Variants in LCLAT1 observed in about 807,000 individuals in gnomAD.
LCLAT1 encodes the protein lysocardiolipin acyltransferase 1.
A neutral mutation model predicts 30.7 loss-of-function variants in LCLAT1; 11 were observed. The observed-to-expected ratio is 0.36, with a 90% CI of 0.23 to 0.59. The LOEUF is 0.59. LCLAT1 is among the 20% of genes least tolerant of loss of function. The pLI, the probability that LCLAT1 is intolerant of heterozygous loss-of-function variation, is 0.77. For synonymous variants in LCLAT1, 155 were observed against 151.3 expected, an observed-to-expected ratio of 1.02 and a Z score of -0.18; for missense variants, 402 against 458.6, an observed-to-expected ratio of 0.88 and a Z score of 1.13.
Position 30,640,646 on chromosome 2 carries a change from C to G in LCLAT1, c.*27C>G, listed in dbSNP as rs754956150. The G allele has an allele frequency of 7.1e-6, 11 of 1,545,616 alleles. No individual in the cohort carries two copies. The highest frequency in any genetic ancestry group is 2.1e-5 in the Admixed American group (1 of 48,132). On this transcript the variant is annotated 3_prime_UTR_variant, in exon 6 of 6. Coordinates refer to ENST00000379509, the MANE Select transcript of LCLAT1 (RefSeq NM_001002257.3). The stretch of plus-strand genomic sequence containing the variant: ...ATTATAAGGTTTGCCATGTGAAAAC[C>G]TAGAGCATATTTTGGAAATGTTCTA...
intron 5 of LCLAT1, among the ~76,000 whole-genome samples, chr2:30,569,588 C>T (rs1044238973): frequency 8.1e-6 from 1 of 123,542 alleles, no homozygotes; most frequent in Non-Finnish European, 1.7e-5. Context: ...AAGTCTTGAA[C>T]CATTATGTAA....
chr2:30,496,687 TC>T (rs1187406981), intron 1 of LCLAT1, among the ~76,000 whole-genome samples: 6 of 152,022 alleles, frequency 3.9e-5, no homozygotes, highest in East Asian at 1.9e-4. Flanking sequence ...AAGCCTAGCA[TC>T]CTCCCTCTCT....
intron 1 of LCLAT1, among the ~76,000 whole-genome samples, chr2:30,473,003 A>G (rs1216338765): frequency 6.6e-6 from 1 of 151,940 alleles, no homozygotes; most frequent in Non-Finnish European, 1.5e-5. Flanking sequence ...CTGGAGTTGA[A>G]AAAAAAATGA....
chr2:30,614,801 G>A (rs1229248379), intron 5 of LCLAT1, among the ~76,000 whole-genome samples: 1 of 152,180 alleles, frequency 6.6e-6, no homozygotes, highest in African/African-American at 2.4e-5. Context: ...AGAAGAGTAA[G>A]ATCCCAGCCT....
chr2:30,456,511 T>G (rs1221240831), intron 1 of LCLAT1, among the ~76,000 whole-genome samples: 1 of 151,996 alleles, frequency 6.6e-6, no homozygotes, highest in Non-Finnish European at 1.5e-5. Flanking sequence ...CATTGCAGCC[T>G]TGTAAGGGTG....
rs1665590124 is a variant in LCLAT1 at position 30,568,184 on chromosome 2, C to A, written c.628+8C>A. On this transcript the variant is annotated splice_region_variant and intron_variant, in intron 5 of 5. Transcript: ENST00000379509. ...TAGACCGTCTAAGAGAAGGTAAGCACCCATTTCAAAATGTACTTTTTAATA... is the reference window on the plus strand; with the variant it reads ...TAGACCGTCTAAGAGAAGGTAAGCAACCATTTCAAAATGTACTTTTTAATA... The A allele has an allele frequency of 1.4e-6, 2 of 1,467,988 alleles. No individual in the cohort carries two copies. Among genetic ancestry groups the A allele is most frequent in the Non-Finnish European group, 1.9e-6 (2 of 1,069,080 alleles). The allele number at this position is 1,467,988 out of a possible 1,614,324, so 90.9% of individuals were successfully genotyped here.
chr2:30,450,471 G>A (rs1480067683), intron 1 of LCLAT1, among the ~76,000 whole-genome samples: 4 of 152,164 alleles, frequency 2.6e-5, no homozygotes, highest in African/African-American at 9.7e-5. Flanking sequence ...TAGATGCATA[G>A]CTTCCACTTT....
At chr2:30,573,396 A>G (rs1665866828) in intron 5 of LCLAT1, among the ~76,000 whole-genome samples, 1 of 152,262 alleles carries the variant, frequency 6.6e-6, no homozygotes, top group Non-Finnish European at 1.5e-5. Flanking sequence ...CTTTTTCTAA[A>G]TGAGGGTGGC....
At chr2:30,459,743 A>T in intron 1 of LCLAT1, 1 of 1,532,944 alleles carries the variant, frequency 6.5e-7, no homozygotes, top group African/African-American at 1.4e-5. Flanking sequence ...GTAATGATTT[A>T]GATGCTTGAG....
At chr2:30,463,886 C>G (rs566656742) in intron 1 of LCLAT1, among the ~76,000 whole-genome samples, 1 of 152,318 alleles carries the variant, frequency 6.6e-6, no homozygotes, top group Non-Finnish European at 1.5e-5. Context: ...TGTTGATGGA[C>G]GTTTATACTA....
At chr2:30,501,532 G>A (rs368338089) in intron 1 of LCLAT1, among the ~76,000 whole-genome samples, 1 of 152,042 alleles carries the variant, frequency 6.6e-6, no homozygotes, top group South Asian at 2.1e-4. Flanking sequence ...AAAATTAGTT[G>A]GGCATGGTGC....
intron 1 of LCLAT1, among the ~76,000 whole-genome samples, chr2:30,484,222 A>G (rs1297098058): frequency 6.6e-6 from 1 of 152,114 alleles, no homozygotes; most frequent in Non-Finnish European, 1.5e-5. Flanking sequence ...TCGCTTTCAA[A>G]GTTTGGAGAT....
At chr2:30,564,902 G>C (rs1210008761) in intron 4 of LCLAT1, among the ~76,000 whole-genome samples, 1 of 151,994 alleles carries the variant, frequency 6.6e-6, no homozygotes, top group Non-Finnish European at 1.5e-5. Flanking sequence ...CTTTTTAATG[G>C]AAGCAATATA....
intron 1 of LCLAT1, among the ~76,000 whole-genome samples, chr2:30,473,353 CTTTT>C (rs1682892028): frequency 6.6e-6 from 1 of 152,114 alleles, no homozygotes; most frequent in African/African-American, 2.4e-5. Context: ...TACGATCTTT[CTTTT>C]AAGTTAGTGT....
At chr2:30,597,667 C>T (rs1666988456) in intron 5 of LCLAT1, among the ~76,000 whole-genome samples, 3 of 152,180 alleles carry the variant, frequency 2.0e-5, no homozygotes, top group Non-Finnish European at 2.9e-5. Context: ...TTGGCCAGAA[C>T]TTCCATTACT....
chr2:30,610,939 T>G (rs1572695399), intron 5 of LCLAT1, among the ~76,000 whole-genome samples: 1 of 152,106 alleles, frequency 6.6e-6, no homozygotes, highest in Admixed American at 6.6e-5. Flanking sequence ...TTTTCTTCAG[T>G]TTTTTTAATG....
intron 4 of LCLAT1, among the ~76,000 whole-genome samples, chr2:30,566,696 C>T (rs944620493): frequency 6.6e-6 from 1 of 152,204 alleles, no homozygotes; most frequent in Non-Finnish European, 1.5e-5. Flanking sequence ...CGGGTTCTAA[C>T]ATCTGCTGTC....
intron 1 of LCLAT1, among the ~76,000 whole-genome samples, chr2:30,508,506 G>A (rs1684780984): frequency 6.6e-6 from 1 of 152,034 alleles, no homozygotes; most frequent in Non-Finnish European, 1.5e-5. Context: ...TATTGAATAG[G>A]GAGTCCTTTC....
intron 1 of LCLAT1, among the ~76,000 whole-genome samples, chr2:30,467,826 A>G (rs1434579608): frequency 1.3e-5 from 2 of 152,072 alleles, no homozygotes; most frequent in East Asian, 3.9e-4. Context: ...TTCTTTGTAG[A>G]TTCTGGGTAT....
Sources: gnomAD v4.1 joint callset for allele counts (sites outside exome capture counted in the v4.1 genomes callset) on GRCh38, gnomAD v4.1.1 for gene constraint, MANE v1.5 for transcripts, NCBI Gene and HGNC (gene_info 2026-07-23, HGNC 2026-07-21) for gene names.